RPS6KC1: variants seen among roughly 807,000 people sequenced by gnomAD.
RPS6KC1 encodes the protein inactive ribosomal protein S6 kinase delta-1.
RPS6KC1 carries 54 observed loss-of-function variants against 103.8 expected under a neutral mutation model. The observed-to-expected ratio is 0.52, with a 90% confidence interval of 0.42 to 0.65. RPS6KC1 has a LOEUF of 0.65. Ranked by LOEUF, RPS6KC1 falls within the 30% of genes least tolerant of loss-of-function variation. RPS6KC1 has a pLI of 0.00. For missense variants in RPS6KC1, 1,151 were observed against 1,253.8 expected (o/e 0.92, Z 1.24); for synonymous variants, 439 against 438.7 (o/e 1.00, Z -0.01).
chr1:213,150,753 T>G (rs1322103359), intron 6 of RPS6KC1, among the ~76,000 whole-genome samples: 2 of 152,236 alleles, frequency 1.3e-5, no homozygotes, highest in Non-Finnish European at 2.9e-5. Context: ...TTCTCAATCT[T>G]TTCCCCACCT....
At chr1:213,503,840 C>A in the RPS6KC1 span, among the ~76,000 whole-genome samples, 1 of 152,162 alleles carries the variant, frequency 6.6e-6, no homozygotes, top group Non-Finnish European at 1.5e-5. Context: ...GGAAAATAAT[C>A]TCAAAGTATC....
chr1:213,298,383 T>G, the RPS6KC1 span, among the ~76,000 whole-genome samples: 1 of 152,228 alleles, frequency 6.6e-6, no homozygotes, highest in Non-Finnish European at 1.5e-5. Context: ...GGCCAACCCT[T>G]TATTTTTTTT....
chr1:213,777,286 C>T, the RPS6KC1 span, among the ~76,000 whole-genome samples: 9 of 152,084 alleles, frequency 5.9e-5, no homozygotes, highest in African/African-American at 1.4e-4. Context: ...TTCTAGCTTT[C>T]GATTTAAAGT....
the RPS6KC1 span, among the ~76,000 whole-genome samples, chr1:213,854,062 GA>G: frequency 1.3e-5 from 2 of 152,154 alleles, no homozygotes; most frequent in Non-Finnish European, 2.9e-5. Flanking sequence ...AAAAGAAGGG[GA>G]AAACTGAAAA....
At chr1:213,588,292 C>T in the RPS6KC1 span, among the ~76,000 whole-genome samples, 1 of 150,580 alleles carries the variant, frequency 6.6e-6, no homozygotes, top group Admixed American at 6.6e-5. Context: ...CCTAAAACCT[C>T]TGTCTTTTTT....
At chr1:213,294,839 C>T in the RPS6KC1 span, among the ~76,000 whole-genome samples, 8 of 152,238 alleles carry the variant, frequency 5.3e-5, no homozygotes, top group Non-Finnish European at 8.8e-5. Flanking sequence ...TTTTCAAAAA[C>T]GCTTCTTCTC....
At chr1:213,563,969 C>T in the RPS6KC1 span, among the ~76,000 whole-genome samples, 7 of 92,416 alleles carry the variant, frequency 7.6e-5, no homozygotes, top group Admixed American at 2.6e-4. Flanking sequence ...TTTTTGCTTA[C>T]CTCTTTTTTT....
intron 6 of RPS6KC1, among the ~76,000 whole-genome samples, chr1:213,134,689 A>C (rs996788044): frequency 3.3e-5 from 5 of 152,126 alleles, no homozygotes; most frequent in Non-Finnish European, 7.4e-5. Context: ...AGAGTTACTC[A>C]AATATTTAGA....
At chr1:213,732,453 T>C in the RPS6KC1 span, among the ~76,000 whole-genome samples, 1 of 152,200 alleles carries the variant, frequency 6.6e-6, no homozygotes, top group East Asian at 1.9e-4. Flanking sequence ...TAGTCCAAAC[T>C]TTTAAACCAA....
chr1:213,058,069 T>TC lies in RPS6KC1; in HGVS notation c.105+6560_105+6561insC, dbSNP rs1157614066. Among the ~76,000 whole-genome samples the TC allele has an allele frequency of 2.1e-5, 3 of 144,872 alleles. No homozygotes were observed. The East Asian group carries it at 5.9e-4, about 29-fold the overall frequency. On this transcript the variant is annotated intron_variant, in intron 1 of 14. Transcript: ENST00000366960. ...AGACGTGCGCCTGACCTTTTTTTTT[T>TC]TTTTTTTTTTTTTTTTAGAGATGGG... is the stretch of plus-strand genomic sequence containing the variant.
At chr1:213,345,253 G>A in the RPS6KC1 span, among the ~76,000 whole-genome samples, 4 of 152,144 alleles carry the variant, frequency 2.6e-5, no homozygotes, top group East Asian at 3.8e-4. Flanking sequence ...TACCAGCATC[G>A]TAAAAATGTC....
At chr1:213,553,808 G>T in the RPS6KC1 span, among the ~76,000 whole-genome samples, 1 of 151,952 alleles carries the variant, frequency 6.6e-6, no homozygotes, top group Admixed American at 6.6e-5. Context: ...CTATATGCTT[G>T]CTTGCTGTGT....
At chr1:213,580,726 G>T in the RPS6KC1 span, among the ~76,000 whole-genome samples, 2 of 151,994 alleles carry the variant, frequency 1.3e-5, no homozygotes, top group Non-Finnish European at 1.5e-5. Context: ...CCAGTGAAAA[G>T]ATTACAACTT....
the RPS6KC1 span, among the ~76,000 whole-genome samples, chr1:213,537,157 C>T: frequency 5.9e-5 from 9 of 152,160 alleles, no homozygotes; most frequent in Admixed American, 1.3e-4. Context: ...CTCAGGGCCT[C>T]CATTCTCTGT....
the RPS6KC1 span, among the ~76,000 whole-genome samples, chr1:213,402,958 C>CA: frequency 0.014 from 1,551 of 111,486 alleles, 49 homozygotes; most frequent in African/African-American, 0.047. Flanking sequence ...ACTAAAAATA[C>CA]AAAAAAAAAA....
At chr1:213,062,150 C>G (rs2077895978) in intron 1 of RPS6KC1, among the ~76,000 whole-genome samples, 1 of 151,980 alleles carries the variant, frequency 6.6e-6, no homozygotes, top group Admixed American at 6.6e-5. Context: ...AGTTTGAAAT[C>G]CAAAATGCTC....
chr1:213,575,590 C>T, the RPS6KC1 span, among the ~76,000 whole-genome samples: 1 of 152,214 alleles, frequency 6.6e-6, no homozygotes, highest in Non-Finnish European at 1.5e-5. Context: ...GTGTTTGCTT[C>T]CCCTTCTGCC....
chr1:213,248,969 A>G (rs1478994418), intron 12 of RPS6KC1, among the ~76,000 whole-genome samples: 1 of 152,220 alleles, frequency 6.6e-6, no homozygotes, highest in Non-Finnish European at 1.5e-5. Context: ...ATTTGGAGTG[A>G]AGGGTTTATG....
At chr1:213,822,226 C>T in the RPS6KC1 span, 1 of 152,178 alleles carries the variant, frequency 6.6e-6, no homozygotes, top group Non-Finnish European at 1.5e-5. Context: ...TTCCAGAGAA[C>T]ACAAGCTTCT....
Sources: allele counts gnomAD v4.1 joint callset (sites outside exome capture counted in the v4.1 genomes callset), GRCh38; gene constraint gnomAD v4.1.1; transcripts MANE v1.5; gene names NCBI Gene and HGNC (gene_info 2026-07-23, HGNC 2026-07-21).